The following NEDD4L variants were observed in gnomAD, a reference collection of about 807,000 sequenced individuals.
The protein encoded by NEDD4L is E3 ubiquitin-protein ligase NEDD4-like.
In NEDD4L, 54 loss-of-function variants were observed where a neutral mutation model predicts 148.9. That is an observed-to-expected ratio of 0.36 (90% CI 0.29 to 0.45). The LOEUF is 0.45. NEDD4L is among the 20% of genes least tolerant of loss of function. NEDD4L has a pLI of 1.00. For missense variants in NEDD4L, 856 were observed against 1,233.8 expected, an observed-to-expected ratio of 0.69 and a Z score of 4.59; for synonymous variants, 433 against 440.7, an observed-to-expected ratio of 0.98 and a Z score of 0.22.
chr18:58,226,575 G>C (rs551485052), intron 2 of NEDD4L, among the ~76,000 whole-genome samples: 20 of 152,288 alleles, frequency 1.3e-4, no homozygotes, highest in African/African-American at 4.6e-4. Flanking sequence ...ATTTCTTAAA[G>C]CTTTTCTGTC....
intron 13 of NEDD4L, chr18:58,335,762 T>C: frequency 2.2e-6 from 1 of 450,070 alleles, no homozygotes; most frequent in East Asian, 3.8e-5. Flanking sequence ...AGGAATACTA[T>C]CAGGCTTTGG....
intron 1 of NEDD4L, among the ~76,000 whole-genome samples, chr18:58,071,010 G>A (rs948540701): frequency 6.6e-6 from 1 of 151,854 alleles, no homozygotes; most frequent in Non-Finnish European, 1.5e-5. Flanking sequence ...CAAGAAACAG[G>A]AAGATATGTC....
intron 18 of NEDD4L, among the ~76,000 whole-genome samples, chr18:58,355,810 T>C (rs943214270): frequency 2.9e-4 from 44 of 152,016 alleles, no homozygotes; most frequent in Non-Finnish European, 3.4e-4. Flanking sequence ...AGCTTTTTTT[T>C]TTTTTTTTAG....
intron 1 of NEDD4L, among the ~76,000 whole-genome samples, chr18:58,078,705 T>G (rs1305536523): frequency 6.6e-6 from 1 of 152,236 alleles, no homozygotes; most frequent in Admixed American, 6.5e-5. Flanking sequence ...TAAAGGGCAG[T>G]TCTTTTCTTG....
chr18:58,052,379 C>A (rs8093336), intron 1 of NEDD4L, among the ~76,000 whole-genome samples: 3 of 152,120 alleles, frequency 2.0e-5, no homozygotes, highest in African/African-American at 7.2e-5. Context: ...TTATTGTAAT[C>A]CCTTTAGGTG....
At chr18:58,219,238 G>A (rs914808259) in intron 2 of NEDD4L, among the ~76,000 whole-genome samples, 1 of 152,184 alleles carries the variant, frequency 6.6e-6, no homozygotes, top group Admixed American at 6.5e-5. Flanking sequence ...CAGAATTGGA[G>A]TTGGAAAGAT....
chr18:58,094,528 C>T (rs762043067), intron 1 of NEDD4L, among the ~76,000 whole-genome samples: 6 of 152,172 alleles, frequency 3.9e-5, no homozygotes, highest in Non-Finnish European at 8.8e-5. Context: ...GCCGGCTGGA[C>T]GACTGCACCC....
At chr18:58,282,559 A>G (rs2053299464) in intron 5 of NEDD4L, among the ~76,000 whole-genome samples, 1 of 152,232 alleles carries the variant, frequency 6.6e-6, no homozygotes, top group Admixed American at 6.5e-5. Flanking sequence ...AAATGAACGA[A>G]TGAATTTTGG....
At chr18:58,164,561 T>C (rs1246724363) in intron 1 of NEDD4L, among the ~76,000 whole-genome samples, 1 of 152,146 alleles carries the variant, frequency 6.6e-6, no homozygotes, top group African/African-American at 2.4e-5. Flanking sequence ...AAGCCCCACC[T>C]CCCAGGTTCA....
At position 58,101,530 on chromosome 18, in the gene NEDD4L, C is replaced by T. The variant is rs560212534; in HGVS notation, c.48+56822C>T. Among the ~76,000 whole-genome samples the T allele has an allele frequency of 3.9e-4, 60 of 152,184 alleles. 1 individual carries two copies. Among genetic ancestry groups the T allele is most frequent in the African/African-American group, 1.3e-3 (53 of 41,500 alleles). ...GCTGAGGTTTCCAATAAGTATTTCT[C>T]GGTTCCGTCCGTGTCGAGTGTCATT... On this transcript the variant is annotated intron_variant, in intron 1 of 30. Transcript: ENST00000400345.
At chr18:58,148,169 T>C (rs1306278511) in intron 1 of NEDD4L, among the ~76,000 whole-genome samples, 3 of 152,002 alleles carry the variant, frequency 2.0e-5, no homozygotes, top group Admixed American at 2.0e-4. Context: ...TGTTCTTTTT[T>C]TTTTTTTTCT....
At chr18:58,362,270 T>A (rs972818486) in intron 19 of NEDD4L, among the ~76,000 whole-genome samples, 1 of 152,194 alleles carries the variant, frequency 6.6e-6, no homozygotes, top group Non-Finnish European at 1.5e-5. Context: ...TGTTTAAGCT[T>A]TTTTTCCAAC....
intron 1 of NEDD4L, among the ~76,000 whole-genome samples, chr18:58,092,347 G>C (rs956922737): frequency 6.6e-6 from 1 of 152,188 alleles, no homozygotes; most frequent in Non-Finnish European, 1.5e-5. Flanking sequence ...GGGATTTGGG[G>C]TGGGGGATTG....
chr18:58,115,061 G>A (rs1166359269), intron 1 of NEDD4L, among the ~76,000 whole-genome samples: 1 of 152,134 alleles, frequency 6.6e-6, no homozygotes, highest in African/African-American at 2.4e-5. Context: ...ACAGGTTCTG[G>A]GGATTAGGAC....
At chr18:58,373,436 A>G (rs919388649) in intron 24 of NEDD4L, among the ~76,000 whole-genome samples, 167 bp downstream of exon 24, 1 of 152,330 alleles carries the variant, frequency 6.6e-6, no homozygotes, top group East Asian at 1.9e-4. Flanking sequence ...CCAAGACGCC[A>G]CACTCCAATT....
chr18:58,189,173 C>T (rs1435818869), intron 2 of NEDD4L, among the ~76,000 whole-genome samples: 1 of 152,088 alleles, frequency 6.6e-6, no homozygotes, highest in African/African-American at 2.4e-5. Context: ...ATAAAGCCCA[C>T]GTCAGGTTGT....
At chr18:58,165,952 C>A in intron 2 of NEDD4L, 91 bp downstream of exon 2, 1 of 1,028,074 alleles carries the variant, frequency 9.7e-7, no homozygotes, top group Non-Finnish European at 1.5e-6. Context: ...ACCTGGAGGA[C>A]TTCTTAAGAC....
At chr18:58,292,957 T>G (rs977018560) in intron 5 of NEDD4L, among the ~76,000 whole-genome samples, 12 of 152,336 alleles carry the variant, frequency 7.9e-5, no homozygotes, top group African/African-American at 2.9e-4. Context: ...TTTGCTCTTT[T>G]ATATGTTTAG....
At chr18:58,313,385 G>A (rs2057916088) in intron 5 of NEDD4L, among the ~76,000 whole-genome samples, 1 of 152,192 alleles carries the variant, frequency 6.6e-6, no homozygotes, top group Admixed American at 6.5e-5. Context: ...AACGGTTGGA[G>A]TAGGAGGTAG....
Sources: gnomAD v4.1 joint callset for allele counts (sites outside exome capture counted in the v4.1 genomes callset) on GRCh38, gnomAD v4.1.1 for gene constraint, MANE v1.5 for transcripts, NCBI Gene and HGNC (gene_info 2026-07-23, HGNC 2026-07-21) for gene names.